The following FMNL2 variants were observed in gnomAD, a reference collection of about 807,000 sequenced individuals.
FMNL2 encodes the protein formin-like protein 2.
A neutral mutation model predicts 130.2 loss-of-function variants in FMNL2; 51 were observed. The ratio of observed to expected loss-of-function variants is 0.39; its 90% CI spans 0.31 to 0.49. The LOEUF (loss-of-function observed/expected upper bound fraction) is 0.49. Ranked by LOEUF, FMNL2 falls within the 20% of genes least tolerant of loss-of-function variation. The pLI, the probability that FMNL2 is intolerant of heterozygous loss-of-function variation, is 0.85. For synonymous variants in FMNL2, 465 were observed against 467.1 expected (o/e 1.00, Z 0.06); for missense variants, 977 against 1,316.2 (o/e 0.74, Z 3.99).
At chr2:152,608,352 CT>C in intron 10 of FMNL2, among the ~76,000 whole-genome samples, 1 of 108,744 alleles carries the variant, frequency 9.2e-6, no homozygotes, top group Non-Finnish European at 1.7e-5. Flanking sequence ...ATTTCTAACC[CT>C]TTTTGTGAAA....
chr2:152,381,311 G>C (rs1684447415), intron 1 of FMNL2, among the ~76,000 whole-genome samples: 3 of 152,140 alleles, frequency 2.0e-5, no homozygotes, highest in Non-Finnish European at 4.4e-5. Flanking sequence ...TATTTCATAC[G>C]TTTCAGCTTG....
intron 1 of FMNL2, among the ~76,000 whole-genome samples, chr2:152,504,096 C>A (rs1310667462): frequency 6.6e-6 from 1 of 152,172 alleles, no homozygotes; most frequent in African/African-American, 2.4e-5. Flanking sequence ...GAGGTTGGGG[C>A]ATGAGAATTG....
intron 11 of FMNL2, among the ~76,000 whole-genome samples, chr2:152,614,586 T>TA (rs1698848641): frequency 6.6e-6 from 1 of 151,446 alleles, no homozygotes; most frequent in African/African-American, 2.4e-5. Flanking sequence ...CTACTAAAAA[T>TA]ACAAAAATTA....
intron 1 of FMNL2, among the ~76,000 whole-genome samples, chr2:152,431,083 G>A (rs1426037647): frequency 1.3e-5 from 2 of 152,110 alleles, no homozygotes; most frequent in Non-Finnish European, 2.9e-5. Context: ...CTTTTTGTTC[G>A]CTGTTTTCTG....
At chr2:152,512,129 C>T (rs1418529359) in intron 1 of FMNL2, among the ~76,000 whole-genome samples, 1 of 152,126 alleles carries the variant, frequency 6.6e-6, no homozygotes, top group Non-Finnish European at 1.5e-5. Context: ...TCTTGTGTAA[C>T]TCCCTCATTC....
chr2:152,572,792 C>G (rs1408930929), intron 6 of FMNL2, among the ~76,000 whole-genome samples: 2 of 147,452 alleles, frequency 1.4e-5, no homozygotes, highest in Non-Finnish European at 2.9e-5. Context: ...AATTCAAAAC[C>G]TGTTTTTTTT....
chr2:152,634,315 C>G (rs899187359), intron 21 of FMNL2, among the ~76,000 whole-genome samples: 1 of 152,180 alleles, frequency 6.6e-6, no homozygotes, highest in Non-Finnish European at 1.5e-5. Context: ...TGCCTGTACT[C>G]CCAGCTACTT....
chr2:152,443,876 G>A (rs1341983452), intron 1 of FMNL2, among the ~76,000 whole-genome samples: 1 of 151,966 alleles, frequency 6.6e-6, no homozygotes. Context: ...GGAGAGGAGA[G>A]AAACAGCATC....
chr2:152,393,085 C>T (rs964049165), intron 1 of FMNL2, among the ~76,000 whole-genome samples: 1 of 152,172 alleles, frequency 6.6e-6, no homozygotes, highest in Non-Finnish European at 1.5e-5. Flanking sequence ...ACCCTTCACC[C>T]TTCCCTCATC....
intron 1 of FMNL2, among the ~76,000 whole-genome samples, chr2:152,393,967 A>G (rs1558824395): frequency 6.6e-6 from 1 of 152,236 alleles, no homozygotes; most frequent in East Asian, 1.9e-4. Context: ...TTAAAAATGT[A>G]AAAACCATTC....
chr2:152,499,106 G>A (rs1390416501), intron 1 of FMNL2, among the ~76,000 whole-genome samples: 2 of 152,106 alleles, frequency 1.3e-5, no homozygotes, highest in Non-Finnish European at 1.5e-5. Flanking sequence ...TTTCTTCTCC[G>A]GGAGCTTGGT....
At chr2:152,407,520 T>G (rs1178500570) in intron 1 of FMNL2, among the ~76,000 whole-genome samples, 1 of 152,172 alleles carries the variant, frequency 6.6e-6, no homozygotes, top group Non-Finnish European at 1.5e-5. Flanking sequence ...TCCCCAAATC[T>G]TTTTGTCTGC....
intron 15 of FMNL2, among the ~76,000 whole-genome samples, chr2:152,620,481 T>C (rs1479268860): frequency 1.3e-5 from 2 of 152,158 alleles, no homozygotes; most frequent in Non-Finnish European, 2.9e-5. Flanking sequence ...GTTTTCTCAG[T>C]CCTGAAGTGT....
intron 1 of FMNL2, among the ~76,000 whole-genome samples, chr2:152,475,186 T>C (rs1314113796): frequency 6.6e-6 from 1 of 152,216 alleles, no homozygotes; most frequent in Non-Finnish European, 1.5e-5. Flanking sequence ...GGTGATAGAA[T>C]ACTGGAAAAT....
At chr2:152,460,619 A>G (rs1337433136) in intron 1 of FMNL2, among the ~76,000 whole-genome samples, 1 of 152,194 alleles carries the variant, frequency 6.6e-6, no homozygotes, top group Non-Finnish European at 1.5e-5. Context: ...GGGGCAAGTG[A>G]GCAAAGCTTT....
chr2:152,572,857 T>C (rs1260196418), intron 6 of FMNL2, among the ~76,000 whole-genome samples: 2 of 151,620 alleles, frequency 1.3e-5, no homozygotes, highest in Non-Finnish European at 2.9e-5. Flanking sequence ...AAACCAAATA[T>C]ACAGTTACAA....
At chr2:152,594,783 G>T (rs1472578835) in intron 9 of FMNL2, among the ~76,000 whole-genome samples, 1 of 152,164 alleles carries the variant, frequency 6.6e-6, no homozygotes, top group East Asian at 1.9e-4. Flanking sequence ...CAACACAGTG[G>T]TATATGTGGC....
chr2:152,410,804 G>A (rs146951347), intron 1 of FMNL2, among the ~76,000 whole-genome samples: 264 of 152,314 alleles, frequency 1.7e-3, no homozygotes, highest in Non-Finnish European at 3.1e-3. Context: ...TTGCTTGATT[G>A]AAATGAGACC....
intron 2 of FMNL2, among the ~76,000 whole-genome samples, chr2:152,538,277 T>C (rs796903617): frequency 8.0e-6 from 1 of 125,600 alleles, no homozygotes; most frequent in African/African-American, 2.9e-5. Context: ...ATATGAGGTT[T>C]TTTTTTTTTG....
Sources: allele counts gnomAD v4.1 joint callset (sites outside exome capture counted in the v4.1 genomes callset), GRCh38; gene constraint gnomAD v4.1.1; transcripts MANE v1.5; gene names NCBI Gene and HGNC (gene_info 2026-07-23, HGNC 2026-07-21).